GALNT13: variants seen among roughly 807,000 people sequenced by gnomAD.
GALNT13 encodes polypeptide N-acetylgalactosaminyltransferase 13, also known as UDP-GalNAc:polypeptide N-acetylgalactosaminyltransferase 13.
A neutral mutation model predicts 64.2 loss-of-function variants in GALNT13; 28 were observed. That is an observed-to-expected ratio of 0.44 (90% CI 0.32 to 0.60). The LOEUF (loss-of-function observed/expected upper bound fraction) is 0.60. Among genes scored for constraint, GALNT13 ranks in the 20% least tolerant of loss-of-function variants. The probability of loss-of-function intolerance (pLI) is 0.05; values close to 1 mark genes in which losing one functional copy is unlikely to be tolerated. For synonymous variants in GALNT13, 214 were observed against 224.6 expected (o/e 0.95, Z 0.42); for missense variants, 577 against 669.8 (o/e 0.86, Z 1.53).
chr2:154,192,803 T>C (rs908793215), intron 4 of GALNT13, among the ~76,000 whole-genome samples: 52 of 152,360 alleles, frequency 3.4e-4, no homozygotes, highest in African/African-American at 1.2e-3. Flanking sequence ...TGTGATTTAC[T>C]TAAGGCTTAT....
chr2:153,512,012 T>C, the GALNT13 span, among the ~76,000 whole-genome samples: 1 of 152,152 alleles, frequency 6.6e-6, no homozygotes, highest in East Asian at 1.9e-4. Context: ...AATCTGCGTA[T>C]GTATGACCTA....
chr2:153,158,744 A>G, the GALNT13 span, among the ~76,000 whole-genome samples: 3 of 152,234 alleles, frequency 2.0e-5, no homozygotes, highest in Admixed American at 2.0e-4. Flanking sequence ...GACTGCTCCA[A>G]TGAACTATCT....
At chr2:153,955,809 A>G (rs947896607) in intron 3 of GALNT13, among the ~76,000 whole-genome samples, 1 of 152,024 alleles carries the variant, frequency 6.6e-6, no homozygotes, top group Non-Finnish European at 1.5e-5. Context: ...GTGCTTGCCA[A>G]CCTCCACTCT....
the GALNT13 span, among the ~76,000 whole-genome samples, chr2:153,670,563 C>G: frequency 6.6e-6 from 1 of 152,150 alleles, no homozygotes; most frequent in East Asian, 1.9e-4. Flanking sequence ...ACATCAAAGA[C>G]CAAAGGTAGA....
intron 2 of GALNT13, among the ~76,000 whole-genome samples, chr2:153,924,851 T>G (rs1280268925): frequency 2.6e-5 from 4 of 152,200 alleles, no homozygotes; most frequent in Non-Finnish European, 5.9e-5. Context: ...GCCACATGTA[T>G]GTTTTCTTTT....
At chr2:153,256,518 G>A in the GALNT13 span, among the ~76,000 whole-genome samples, 11 of 152,320 alleles carry the variant, frequency 7.2e-5, no homozygotes, top group African/African-American at 2.2e-4. Context: ...GAGGAACTGC[G>A]TTCCTTTGGA....
At chr2:154,106,368 C>A in intron 3 of GALNT13, among the ~76,000 whole-genome samples, 1 of 151,986 alleles carries the variant, frequency 6.6e-6, no homozygotes, top group Non-Finnish European at 1.5e-5. Context: ...CATGTCAGAT[C>A]TTTATCTAGG....
At chr2:153,092,713 A>C in the GALNT13 span, among the ~76,000 whole-genome samples, 1 of 152,178 alleles carries the variant, frequency 6.6e-6, no homozygotes, top group Admixed American at 6.6e-5. Context: ...GAATTTGTAT[A>C]TCAGTTCTAA....
At chr2:153,200,072 G>A in the GALNT13 span, among the ~76,000 whole-genome samples, 1 of 152,124 alleles carries the variant, frequency 6.6e-6, no homozygotes, top group Non-Finnish European at 1.5e-5. Context: ...CATGCCATAG[G>A]AGTAGACTTG....
the GALNT13 span, among the ~76,000 whole-genome samples, chr2:153,082,618 TACACACACACACACACACACACACACAC>T: frequency 3.3e-5 from 1 of 30,208 alleles, no homozygotes; most frequent in African/African-American, 1.4e-4. Flanking sequence ...TATATATATA[TACACACACACACACACACACACACACAC>T]ACACACACAC....
At chr2:154,322,834 G>A (rs1048249726) in intron 9 of GALNT13, among the ~76,000 whole-genome samples, 5 of 152,060 alleles carry the variant, frequency 3.3e-5, no homozygotes, top group African/African-American at 4.8e-5. Context: ...GTCCCTCAGT[G>A]GTATTCAGCT....
the GALNT13 span, among the ~76,000 whole-genome samples, chr2:153,080,882 CTTTAATGCT>C: frequency 6.6e-6 from 1 of 151,802 alleles, no homozygotes; most frequent in African/African-American, 2.4e-5. Flanking sequence ...TCTTTTTCTC[CTTTAATGCT>C]TTTTGTTTTG....
the GALNT13 span, among the ~76,000 whole-genome samples, chr2:153,090,955 C>T: frequency 6.6e-6 from 1 of 151,636 alleles, no homozygotes; most frequent in Admixed American, 6.6e-5. Flanking sequence ...AGGCCAGTTT[C>T]ACTCCTGCAG....
the GALNT13 span, among the ~76,000 whole-genome samples, chr2:153,677,049 A>C: frequency 1.3e-5 from 2 of 152,102 alleles, no homozygotes; most frequent in African/African-American, 4.8e-5. Flanking sequence ...AGATAAAGAA[A>C]TAAAAGGCCT....
intron 4 of GALNT13, among the ~76,000 whole-genome samples, chr2:154,208,092 A>G (rs536980752): frequency 6.6e-6 from 1 of 152,336 alleles, no homozygotes; most frequent in Non-Finnish European, 1.5e-5. Flanking sequence ...GTTAGATCAA[A>G]GAGGAAATCT....
the GALNT13 span, among the ~76,000 whole-genome samples, chr2:153,345,771 T>TTCC: frequency 6.8e-6 from 1 of 146,426 alleles, no homozygotes; most frequent in Admixed American, 6.9e-5. Context: ...CCTTCCTTCC[T>TTCC]TCTTTCTCTC....
chr2:153,917,881 G>A (rs938886703), intron 2 of GALNT13, among the ~76,000 whole-genome samples: 2 of 129,018 alleles, frequency 1.6e-5, no homozygotes, highest in African/African-American at 2.9e-5. Context: ...GAGGCAGAAT[G>A]TCAATTAGGC....
chr2:154,155,161 A>G (rs1684333250), intron 4 of GALNT13, among the ~76,000 whole-genome samples: 1 of 152,098 alleles, frequency 6.6e-6, no homozygotes, highest in Admixed American at 6.5e-5. Flanking sequence ...GATGTGTACC[A>G]GAGATCAGAA....
At chr2:154,320,307 A>C (rs1215337904) in intron 9 of GALNT13, among the ~76,000 whole-genome samples, 1 of 152,204 alleles carries the variant, frequency 6.6e-6, no homozygotes, top group Non-Finnish European at 1.5e-5. Context: ...ATTAAAGAGC[A>C]AAAGAACCAC....
Sources: gnomAD v4.1 joint callset for allele counts (sites outside exome capture counted in the v4.1 genomes callset) on GRCh38, gnomAD v4.1.1 for gene constraint, MANE v1.5 for transcripts, NCBI Gene and HGNC (gene_info 2026-07-23, HGNC 2026-07-21) for gene names.